SNX19: variants seen among roughly 807,000 people sequenced by gnomAD.
SNX19 encodes sorting nexin-19.
A neutral mutation model predicts 85.2 loss-of-function variants in SNX19; 60 were observed. The observed-to-expected ratio is 0.70, with a 90% CI of 0.57 to 0.87. The LOEUF is 0.87. SNX19 is among the 40% of genes least tolerant of loss of function. The pLI, the probability that SNX19 is intolerant of heterozygous loss-of-function variation, is 0.00. For synonymous variants in SNX19, 520 were observed against 470.0 expected (o/e 1.11, Z -1.38); for missense variants, 1,201 against 1,217.8 (o/e 0.99, Z 0.21).
chr11:130,913,732 T>C (rs1336620548), intron 1 of SNX19, among the ~76,000 whole-genome samples: 3 of 152,248 alleles, frequency 2.0e-5, no homozygotes, highest in African/African-American at 7.2e-5. Flanking sequence ...TACCTATGTC[T>C]ATCTCAGAAG....
rs1382042216 is a variant in SNX19, at chr11:130,911,680, A to C, written c.1766T>G (p.Leu589Arg). Residue 589 changes from leucine (L) to arginine (R), a missense_variant, in exon 2 of 11, where the codon CTG becomes CGG. Around this residue, in one of 3 missense-constraint regions of SNX19, gnomAD observed 791 missense variants for 750.9 expected, o/e 1.05. Transcript: ENST00000265909. ...TGGTTTCTCCTCCAGACGGGTCTGC[A>C]GATTCAAGAACTCCCGATAGCGACG... Reference protein sequence around the residue: ...VNRRYREFLNLQTRLEEKPDL... With the variant: ...VNRRYREFLNRQTRLEEKPDL... 1.2e-6 allele frequency: 2 copies of C among 1,614,062 alleles called. No individual in the cohort carries two copies. Among genetic ancestry groups the C allele is most frequent in the African/African-American group, 2.7e-5 (2 of 74,914 alleles).
At position 130,915,917 on chromosome 11, in the gene SNX19, G is replaced by T. The variant is rs746770858; in HGVS notation, c.23C>A (p.Pro8Gln). The T allele has an allele frequency of 1.2e-6, 2 of 1,613,904 alleles. No homozygotes were observed. The highest frequency in any genetic ancestry group is 1.7e-6 in the Non-Finnish European group (2 of 1,179,824). The change falls in exon 1 of 11, where the codon CCG becomes CAG. Residue 8 changes from proline (P) to glutamine (Q), a missense_variant. Coordinates refer to ENST00000265909, the MANE Select transcript of SNX19 (RefSeq NM_014758.3). MKTETVP[P>Q]FQETPAGSSC... Reference sequence around the variant, plus strand: ...CGATCCAGCTGGAGTTTCCTGGAACGGTGGCACTGTTTCTGTCTTCATGGC... The same window carrying T: ...CGATCCAGCTGGAGTTTCCTGGAACTGTGGCACTGTTTCTGTCTTCATGGC...
intron 10 of SNX19, among the ~76,000 whole-genome samples, chr11:130,879,309 G>C (rs528576292): frequency 1.3e-5 from 2 of 152,288 alleles, no homozygotes; most frequent in Non-Finnish European, 2.9e-5. Context: ...CAAGTATGCT[G>C]AACAAGCCTG....
chr11:130,880,290 C>G (rs1438740355), intron 9 of SNX19, among the ~76,000 whole-genome samples: 2 of 152,184 alleles, frequency 1.3e-5, no homozygotes, highest in African/African-American at 2.4e-5. Flanking sequence ...GGAAATGGCT[C>G]TGAGACCTGT....
At chr11:130,911,816 C>CCATA (rs1404514568) in intron 1 of SNX19, 45 bp from the exon 2 acceptor site, 3 of 1,596,206 alleles carry the variant, frequency 1.9e-6, no homozygotes, top group Non-Finnish European at 8.6e-7. Flanking sequence ...CGGGTTTCAG[C>CCATA]AATCTTCTAT....
chr11:130,907,926 G>C, intron 5 of SNX19, 27 bp downstream of exon 5: 1 of 1,611,660 alleles, frequency 6.2e-7, no homozygotes, highest in Non-Finnish European at 8.5e-7. Flanking sequence ...CTGGGGAAAG[G>C]TCCCTGGGTA....
intron 8 of SNX19, among the ~76,000 whole-genome samples, chr11:130,892,548 G>C (rs1188061277): frequency 6.6e-6 from 1 of 152,148 alleles, no homozygotes; most frequent in Non-Finnish European, 1.5e-5. Context: ...GCAGGATCTG[G>C]AGTAAGCTTT....
At position 130,878,440 on chromosome 11, in the gene SNX19, C is replaced by T; in HGVS notation, c.2961G>A (p.Arg987=). 1 of 1,613,780 alleles carries T rather than the reference C, an allele frequency of 6.2e-7. No individual in the cohort carries two copies. Among genetic ancestry groups the T allele is most frequent in the Non-Finnish European group, 8.5e-7 (1 of 1,179,820 alleles). The change falls in exon 11 of 11, where the codon AGG becomes AGA. Residue 987 remains arginine, a synonymous_variant. Transcript: ENST00000265909. ...SASDTPGNSK[R]MGVSS Reference sequence around the variant, plus strand: ...TAACCAGCTAAGAGGAGACACCCATCCTCTTAGAGTTGCCTGGGGTATCTG... The same window carrying T: ...TAACCAGCTAAGAGGAGACACCCATTCTCTTAGAGTTGCCTGGGGTATCTG...
chr11:130,915,679 G>A lies in SNX19; in HGVS notation c.261C>T (p.Thr87=). The A allele has an allele frequency of 6.2e-7, 1 of 1,614,260 alleles. No homozygotes were observed. The change falls in exon 1 of 11, where the codon ACC becomes ACT. Residue 87 remains threonine, a synonymous_variant. Coordinates refer to ENST00000265909, the MANE Select transcript of SNX19 (RefSeq NM_014758.3). ...TTTCTGCCTCAGGGCATGGAGGACA[G>A]GTGGCCAACGGGATGAAGCGTTCCA... ...LHLERFIPLA[T]CPPCPEAERQ... is the part of the protein sequence containing the mutation.
intron 6 of SNX19, 28 bp downstream of exon 6, chr11:130,906,597 C>G (rs1356840592): frequency 2.6e-6 from 4 of 1,517,994 alleles, no homozygotes; most frequent in Non-Finnish European, 3.7e-6. Context: ...ATATTTTTGC[C>G]TCACATTCTC....
At chr11:130,896,613 C>T (rs1944893429) in intron 8 of SNX19, among the ~76,000 whole-genome samples, 1 of 152,114 alleles carries the variant, frequency 6.6e-6, no homozygotes, top group Non-Finnish European at 1.5e-5. Flanking sequence ...GCCAGGATGA[C>T]TTAAGTGGAA....
At position 130,875,127 on chromosome 11, in the gene SNX19, G is replaced by A. The variant is rs936007029; in HGVS notation, c.*3295C>T. Among the ~76,000 whole-genome samples the A allele has an allele frequency of 1.3e-5, 2 of 152,192 alleles. No individual in the cohort carries two copies. Among genetic ancestry groups the A allele is most frequent in the African/African-American group, 4.8e-5 (2 of 41,444 alleles). On this transcript the variant is annotated 3_prime_UTR_variant, in exon 11 of 11. Coordinates refer to ENST00000265909, the MANE Select transcript of SNX19 (RefSeq NM_014758.3). The stretch of plus-strand genomic sequence containing the variant: ...GGAGCCAACCTAAATGTCCCTCAAT[G>A]AATGAACAAAGAAAATGTGGCATAG...
At chr11:130,882,285 G>A (rs1371844909) in intron 8 of SNX19, among the ~76,000 whole-genome samples, 1 of 152,178 alleles carries the variant, frequency 6.6e-6, no homozygotes, top group African/African-American at 2.4e-5. Context: ...CGGAAGACTC[G>A]TTTGATCCTG....
chr11:130,891,464 A>C (rs993142129), intron 8 of SNX19, among the ~76,000 whole-genome samples: 4 of 152,186 alleles, frequency 2.6e-5, no homozygotes, highest in African/African-American at 9.7e-5. Flanking sequence ...CCAGTAGCTT[A>C]TGTTTGGTCA....
intron 9 of SNX19, among the ~76,000 whole-genome samples, chr11:130,880,262 C>A (rs1943560665): frequency 6.6e-6 from 1 of 152,194 alleles, no homozygotes; most frequent in African/African-American, 2.4e-5. Flanking sequence ...GGTAGAGAAT[C>A]TGAAGTCTTC....
intron 8 of SNX19, among the ~76,000 whole-genome samples, chr11:130,886,541 T>G (rs1345297351): frequency 6.6e-6 from 1 of 152,068 alleles, no homozygotes; most frequent in Non-Finnish European, 1.5e-5. Context: ...TGTAAAATGT[T>G]TGCAGGGGCC....
chr11:130,909,751 A>G (rs4508210), intron 4 of SNX19, among the ~76,000 whole-genome samples: 24,224 of 152,232 alleles, frequency 0.16, 2,207 homozygotes, highest in Middle Eastern at 0.25. Flanking sequence ...GTACAACAAT[A>G]TAATGATACC....
In SNX19 at chr11:130,914,834, T is replaced by G. The variant is rs1408497496; in HGVS notation, c.1106A>C (p.Glu369Ala). ...CAGCGGAGACTCCAGCTCTGAGTCT[T>G]CACATAAGAACAGGGGACCTCGAAC... ...PNVRGPLFLC[E>A]DSELESPLSE... Residue 369 changes from glutamate (E) to alanine (A), a missense_variant, in exon 1 of 11, where the codon GAA becomes GCA. This residue lies in a region of SNX19 where 791 missense variants were observed against 750.9 expected (regional missense o/e 1.05). Transcript: ENST00000265909. The G allele has an allele frequency of 6.2e-7, 1 of 1,614,202 alleles. No individual in the cohort carries two copies.
Position 130,871,053 on chromosome 11 carries a change from G to A in SNX19, c.*7369C>T, listed in dbSNP as rs537342434. Among the ~76,000 whole-genome samples the A allele has an allele frequency of 8.5e-5, 13 of 152,126 alleles. No individual in the cohort carries two copies. Among genetic ancestry groups the A allele is most frequent in the Non-Finnish European group, 1.2e-4 (8 of 68,026 alleles). The stretch of plus-strand genomic sequence containing the variant: ...CCTTATGGGCAGAGGTAGCCTACTT[G>A]CCCAGCTGGAGAAGAGAAGGTAATC... On this transcript the variant is annotated 3_prime_UTR_variant, in exon 11 of 11. Coordinates refer to ENST00000265909, the MANE Select transcript of SNX19 (RefSeq NM_014758.3).
Sources: allele counts gnomAD v4.1 joint callset (sites outside exome capture counted in the v4.1 genomes callset), GRCh38; gene constraint gnomAD v4.1.1; regional missense constraint gnomAD v4.1.1; transcripts MANE v1.5; gene names NCBI Gene and HGNC (gene_info 2026-07-23, HGNC 2026-07-21).